The following GRIPAP1 variants were observed in gnomAD, a reference collection of about 807,000 sequenced individuals.
GRIPAP1 encodes the protein GRIP1-associated protein 1.
A neutral mutation model predicts 84.1 loss-of-function variants in GRIPAP1; 14 were observed. The ratio of observed to expected loss-of-function variants is 0.17; its 90% confidence interval spans 0.11 to 0.26. The LOEUF is 0.26. Ranked by LOEUF, GRIPAP1 falls within the 10% of genes least tolerant of loss-of-function variation. The pLI is 1.00. For missense variants in GRIPAP1, 518 were observed against 674.2 expected (o/e 0.77, Z 2.57); for synonymous variants, 261 against 256.8 (o/e 1.02, Z -0.15).
At chrX:48,985,021 C>A (rs1269173980) in intron 14 of GRIPAP1, among the ~76,000 whole-genome samples, 2 of 107,792 alleles carry the variant, frequency 1.9e-5, no homozygotes, top group Non-Finnish European at 3.9e-5. Context: ...GACTCCATCT[C>A]AAAAAAAAAT....
rs1287159963 is a variant in GRIPAP1, at chrX:48,983,394, G to A, written c.1319C>T (p.Thr440Met). The change falls in exon 16 of 26, where the codon ACG becomes ATG. Residue 440 changes from threonine (T) to methionine (M), a missense_variant. By Grantham distance (81) the Thr-to-Met change is moderately conservative. Around this residue, in one of 5 missense-constraint regions of GRIPAP1, gnomAD observed 372 missense variants for 458.1 expected, o/e 0.81. Coordinates refer to ENST00000376423, the MANE Select transcript of GRIPAP1 (RefSeq NM_020137.5). ...CTTGTGCTGGGACTTCTCTTGCAGC[G>A]TTTCCATTGCTAGCTCATCCAGCAT... ...KAMLDELAMETLQEKSQHKEE... is the reference protein window; with the variant it reads ...KAMLDELAMEMLQEKSQHKEE... The A allele has an allele frequency of 7.4e-6, 9 of 1,209,835 alleles. No individual in the cohort carries two copies. The highest frequency in any genetic ancestry group is 5.3e-5 in the South Asian group (3 of 56,871).
chrX:48,983,446 G>A lies in GRIPAP1; in HGVS notation c.1273-6C>T. On this transcript the variant is annotated splice_region_variant and splice_polypyrimidine_tract_variant and intron_variant, in intron 15 of 25. Coordinates refer to ENST00000376423, the MANE Select transcript of GRIPAP1 (RefSeq NM_020137.5). ...GCCTTCCGCTTCTCCGCACTCTGGGGGCCAGGACGATGGCAGTCAACTTCC... is the reference window on the plus strand; with the variant it reads ...GCCTTCCGCTTCTCCGCACTCTGGGAGCCAGGACGATGGCAGTCAACTTCC... The A allele has an allele frequency of 8.3e-7, 1 of 1,199,688 alleles. No individual in the cohort carries two copies. Among genetic ancestry groups the A allele is most frequent in the Non-Finnish European group, 1.1e-6 (1 of 885,331 alleles).
chrX:48,985,514 A>G, intron 13 of GRIPAP1, 112 bp from the exon 14 acceptor site: 1 of 564,276 alleles, frequency 1.8e-6, no homozygotes, highest in South Asian at 2.9e-5. Flanking sequence ...GAAGAGAACC[A>G]GGAAGAGAGA....
chrX:48,993,499 G>C lies in GRIPAP1; in HGVS notation c.386C>G (p.Ala129Gly). The C allele has an allele frequency of 8.4e-7, 1 of 1,191,710 alleles. No homozygotes were observed. The highest frequency in any genetic ancestry group is 1.9e-5 in the South Asian group (1 of 53,970). The part of the protein sequence containing the change: ...EGAAGAGVAQ[A>G]GPLVDGELLR... ...CAGCTCCCCATCCACGAGGGGCCCAGCTTGGGCAACCCCTGCTCCTGCAGC... is the reference window on the plus strand; with the variant it reads ...CAGCTCCCCATCCACGAGGGGCCCACCTTGGGCAACCCCTGCTCCTGCAGC... The change falls in exon 6 of 26, where the codon GCT becomes GGT. Residue 129 changes from alanine (A) to glycine (G), a missense_variant. Ala to Gly is a moderately conservative substitution (Grantham distance 60). Around this residue, in one of 5 missense-constraint regions of GRIPAP1, gnomAD observed 372 missense variants for 458.1 expected, o/e 0.81. Coordinates refer to ENST00000376423, the MANE Select transcript of GRIPAP1 (RefSeq NM_020137.5).
In GRIPAP1 at chrX:48,991,019, G is replaced by A; in HGVS notation, c.549C>T (p.Val183=). The part of the protein sequence containing the change: ...GDPPGGLAPT[V]LAPMPLAEVE... ...CCTCTGCCAACGGCATGGGGGCCAG[G>A]ACGGTGGGGGCCAGGCCCCCTGGGG... The change falls in exon 7 of 26, where the codon GTC becomes GTT. Residue 183 remains valine (V), a synonymous_variant. Transcript: ENST00000376423. The A allele has an allele frequency of 8.4e-7, 1 of 1,189,726 alleles. No individual in the cohort carries two copies.
chrX:48,996,558 G>A (rs1348234555), intron 5 of GRIPAP1, among the ~76,000 whole-genome samples: 1 of 112,314 alleles, frequency 8.9e-6, no homozygotes, highest in Non-Finnish European at 1.9e-5. Context: ...CAGGAGAATC[G>A]CTTGAACCCA....
intron 3 of GRIPAP1, 98 bp from the exon 4 acceptor site, chrX:48,998,278 A>G: frequency 1.8e-6 from 1 of 571,109 alleles, no homozygotes; most frequent in Non-Finnish European, 3.0e-6. Context: ...TGGGAGGACA[A>G]GGATGACAGG....
intron 1 of GRIPAP1, 144 bp from the exon 2 acceptor site, chrX:48,999,648 C>T (rs1283672993): frequency 1.3e-5 from 6 of 450,213 alleles, no homozygotes; most frequent in Middle Eastern, 6.2e-4. Flanking sequence ...ATGTGCTACA[C>T]CCAAAGTGAC....
intron 15 of GRIPAP1, 61 bp from the exon 16 acceptor site, chrX:48,983,501 C>T: frequency 1.0e-6 from 1 of 993,720 alleles, no homozygotes. Flanking sequence ...GGCCTCCAAC[C>T]CTCTTCCCAT....
At chrX:48,981,992 C>T in intron 17 of GRIPAP1, 120 bp from the exon 18 acceptor site, 1 of 484,643 alleles carries the variant, frequency 2.1e-6, no homozygotes, top group South Asian at 2.9e-5. Flanking sequence ...TGCAGGGAAC[C>T]CCACACGCCC....
rs1557061023 is a variant in GRIPAP1, at chrX:48,978,341, G to A, written c.2025C>T (p.Ile675=). Residue 675 remains isoleucine, a synonymous_variant, in exon 22 of 26, where the codon ATC becomes ATT. Transcript: ENST00000376423. ...SSISSFSYRE[I]LREKESSAVP... ...CAGCCGAGCTCTCCTTTTCCCGCAA[G>A]ATCTCCCGGTAGCTGAAGGAGGAGA... 2.5e-6 allele frequency: 3 copies of A among 1,209,437 alleles called. No homozygotes were observed. The highest frequency in any genetic ancestry group is 3.5e-5 in the South Asian group (2 of 56,410).
chrX:48,981,440 G>A lies in GRIPAP1; in HGVS notation c.1806C>T (p.Ile602=). ...CCGCAGCACTGCCCTTCTTCTCCAG[G>A]ATCCTCTGCCCATCCACTGTGTCCT... ...EVKDTVDGQR[I]LEKKGSAALK... The change falls in exon 20 of 26, where the codon ATC becomes ATT. Residue 602 remains isoleucine, a synonymous_variant. Coordinates refer to ENST00000376423, the MANE Select transcript of GRIPAP1 (RefSeq NM_020137.5). 3 of 1,210,838 alleles carry A rather than the reference G, an allele frequency of 2.5e-6. No homozygotes were observed. The highest frequency in any genetic ancestry group is 3.4e-6 in the Non-Finnish European group (3 of 894,930).
At chrX:48,987,179 C>T (rs1338883640) in intron 13 of GRIPAP1, among the ~76,000 whole-genome samples, 34 of 78,252 alleles carry the variant, frequency 4.3e-4, no homozygotes, top group African/African-American at 1.7e-3. Context: ...GACGGAGTCT[C>T]GCTCTGTTGC....
At chrX:48,995,719 C>A (rs1177668968) in intron 5 of GRIPAP1, among the ~76,000 whole-genome samples, 8 of 110,522 alleles carry the variant, frequency 7.2e-5, no homozygotes, top group Non-Finnish European at 1.3e-4. Flanking sequence ...CCTCAGCCTC[C>A]CGAGTAGCTG....
chrX:48,991,894 T>C (rs1331576681), intron 6 of GRIPAP1, among the ~76,000 whole-genome samples: 2 of 112,088 alleles, frequency 1.8e-5, no homozygotes, highest in African/African-American at 6.5e-5. Context: ...TGGTGTGCAG[T>C]GGTGCAATCA....
chrX:48,991,258 G>T, intron 6 of GRIPAP1, 148 bp from the exon 7 acceptor site: 1 of 464,869 alleles, frequency 2.2e-6, no homozygotes. Context: ...CGAAGGTTCA[G>T]CTCTATCCAT....
In GRIPAP1 at chrX:48,981,323, G is replaced by C; in HGVS notation, c.1831-9C>G. ...CGCTTGAGGTCCTTGAGCTGTGGGG[G>C]ACAGGGGTAACATGAGGACTGAGGC... On this transcript the variant is annotated splice_polypyrimidine_tract_variant and intron_variant, in intron 20 of 25. Transcript: ENST00000376423. The C allele has an allele frequency of 3.3e-6, 4 of 1,206,117 alleles. No homozygotes were observed. The highest frequency in any genetic ancestry group is 4.5e-6 in the Non-Finnish European group (4 of 891,142).
intron 1 of GRIPAP1, among the ~76,000 whole-genome samples, chrX:48,999,858 C>A (rs2147752044): frequency 9.0e-6 from 1 of 111,259 alleles, no homozygotes; most frequent in Non-Finnish European, 1.9e-5. Flanking sequence ...TCCTGGCTGA[C>A]CTCTCCACAC....
Position 48,997,245 on chromosome X carries a change from A to T in GRIPAP1, c.306+5T>A, listed in dbSNP as rs2064552160. ...TTCCCCTTTGACTATCCCAGGCACC[A>T]GCACCTTGCTGAACTCGGCCATTAG... On this transcript the variant is annotated splice_donor_5th_base_variant and intron_variant, in intron 5 of 25. Transcript: ENST00000376423. 2 of 1,060,733 alleles carry T rather than the reference A, an allele frequency of 1.9e-6. No individual in the cohort carries two copies. Among genetic ancestry groups the T allele is most frequent in the South Asian group, 2.0e-5 (1 of 51,202 alleles). The allele number at this position is 1,060,733 out of a possible 1,213,427, so 87.4% of individuals were successfully genotyped here.
Sources: allele counts gnomAD v4.1 joint callset (sites outside exome capture counted in the v4.1 genomes callset), GRCh38; gene constraint gnomAD v4.1.1; regional missense constraint gnomAD v4.1.1; transcripts MANE v1.5; gene names NCBI Gene and HGNC (gene_info 2026-07-23, HGNC 2026-07-21).